CCDC171: variants seen among roughly 807,000 people sequenced by gnomAD.
CCDC171 encodes the protein coiled-coil domain containing 171, also known as coiled-coil domain-containing protein 171.
A neutral mutation model predicts 168.2 loss-of-function variants in CCDC171; 177 were observed. The ratio of observed to expected loss-of-function variants is 1.05; its 90% CI spans 0.93 to 1.19. CCDC171 has a LOEUF of 1.19. Ranked by LOEUF, CCDC171 falls within the 50% of genes most tolerant of loss-of-function variation. CCDC171 has a pLI of 0.00. For synonymous variants in CCDC171, 687 were observed against 540.8 expected (o/e 1.27, Z -3.75); for missense variants, 1,991 against 1,539.0 (o/e 1.29, Z -4.91).
intron 3 of CCDC171, among the ~76,000 whole-genome samples, chr9:16,010,170 T>G (rs1422504982): frequency 6.6e-6 from 1 of 152,190 alleles, no homozygotes; most frequent in Non-Finnish European, 1.5e-5. Context: ...GTGTGTACTT[T>G]GTGGAGGGGA....
At chr9:15,951,714 A>G (rs79398442) in intron 25 of CCDC171, among the ~76,000 whole-genome samples, 3,069 of 152,100 alleles carry the variant, frequency 0.02, 110 homozygotes, top group African/African-American at 0.071. Context: ...TAAATCAGGC[A>G]TTTTGTTGTC....
chr9:15,870,615 G>A (rs2061994013), intron 23 of CCDC171, among the ~76,000 whole-genome samples: 1 of 151,342 alleles, frequency 6.6e-6, no homozygotes, highest in African/African-American at 2.4e-5. Context: ...TTCTGGCTTG[G>A]TATCCAATTG....
At chr9:15,816,324 C>G (rs1226635696) in intron 21 of CCDC171, among the ~76,000 whole-genome samples, 1 of 116,514 alleles carries the variant, frequency 8.6e-6, no homozygotes, top group Non-Finnish European at 1.9e-5. Context: ...ATTAAACCTG[C>G]TTAAGTAAGA....
chr9:15,591,554 C>T lies in CCDC171; in HGVS notation c.541C>T (p.Gln181Ter), dbSNP rs777966025. 4 of 1,508,332 alleles carry T rather than the reference C, an allele frequency of 2.7e-6. No homozygotes were observed. The highest frequency in any genetic ancestry group is 2.7e-6 in the Non-Finnish European group (3 of 1,110,300). The allele number at this position is 1,508,332 out of a possible 1,614,324, so 93.4% of individuals were successfully genotyped here. ...KEKSRLEKTL[Q>*]EALEKHQREK... Reference sequence around the variant, plus strand: ...AAAAAGCAGACTAGAGAAAACTCTACAGGTAAAATAGTTTTTATAAAGGAA... The same window carrying T: ...AAAAAGCAGACTAGAGAAAACTCTATAGGTAAAATAGTTTTTATAAAGGAA... The change falls in exon 5 of 26, where the codon CAG becomes TAG. Residue 181 changes from glutamine (Q) to a stop codon, truncating the protein, a stop_gained and splice_region_variant. Transcript: ENST00000380701. LOFTEE classifies it high-confidence loss of function.
At chr9:15,757,129 T>A (rs2056171115) in intron 18 of CCDC171, among the ~76,000 whole-genome samples, 1 of 152,226 alleles carries the variant, frequency 6.6e-6, no homozygotes, top group Non-Finnish European at 1.5e-5. Context: ...TAAGCGACTT[T>A]GGAACTGGGT....
At chr9:15,626,620 T>C (rs1267798257) in intron 7 of CCDC171, among the ~76,000 whole-genome samples, 1 of 152,230 alleles carries the variant, frequency 6.6e-6, no homozygotes, top group Non-Finnish European at 1.5e-5. Context: ...TTACGTTTAT[T>C]GATTTGTGTA....
chr9:16,017,015 C>T (rs1227663590), intron 3 of CCDC171, among the ~76,000 whole-genome samples: 1 of 152,096 alleles, frequency 6.6e-6, no homozygotes, highest in East Asian at 1.9e-4. Context: ...TGTTAAAGGG[C>T]CTTCTCAATA....
At chr9:15,831,318 A>T (rs1161711441) in intron 21 of CCDC171, among the ~76,000 whole-genome samples, 3 of 152,184 alleles carry the variant, frequency 2.0e-5, no homozygotes, top group Non-Finnish European at 2.9e-5. Context: ...TGCTTAAAAA[A>T]AGTTAGCAAC....
intron 9 of CCDC171, among the ~76,000 whole-genome samples, chr9:15,676,370 C>G (rs997506397): frequency 1.3e-5 from 2 of 152,104 alleles, no homozygotes; most frequent in African/African-American, 2.4e-5. Context: ...CTGAACCCTA[C>G]TTCTGTCAAC....
intron 7 of CCDC171, among the ~76,000 whole-genome samples, chr9:15,650,140 A>C (rs1000114354): frequency 6.6e-6 from 1 of 152,222 alleles, no homozygotes; most frequent in African/African-American, 2.4e-5. Flanking sequence ...TGAGCAAACT[A>C]TTGCAAGGAC....
At chr9:15,636,667 T>C (rs2046221852) in intron 7 of CCDC171, among the ~76,000 whole-genome samples, 1 of 150,624 alleles carries the variant, frequency 6.6e-6, no homozygotes, top group Non-Finnish European at 1.5e-5. Context: ...GAGGATCACT[T>C]GAGCCTGGGG....
At chr9:15,840,913 C>T (rs1221415875) in intron 21 of CCDC171, among the ~76,000 whole-genome samples, 1 of 152,022 alleles carries the variant, frequency 6.6e-6, no homozygotes, top group East Asian at 1.9e-4. Context: ...ATTTTGAATA[C>T]TCTTATGAAG....
intron 18 of CCDC171, among the ~76,000 whole-genome samples, chr9:15,752,146 T>C (rs1435887425): frequency 6.6e-6 from 1 of 151,954 alleles, no homozygotes; most frequent in East Asian, 1.9e-4. Flanking sequence ...CCAACAAACA[T>C]GAAAAAATGC....
intron 6 of CCDC171, among the ~76,000 whole-genome samples, chr9:15,597,931 A>G (rs536657122): frequency 3.4e-4 from 52 of 152,216 alleles, no homozygotes; most frequent in African/African-American, 1.2e-3. Flanking sequence ...GTTTATTTGC[A>G]TAGAGGTGTT....
chr9:15,874,132 T>A (rs1237257754), intron 23 of CCDC171, among the ~76,000 whole-genome samples: 2 of 152,154 alleles, frequency 1.3e-5, no homozygotes, highest in Non-Finnish European at 1.5e-5. Context: ...GTCCAATATG[T>A]ATCAGTTCAT....
chr9:15,750,368 A>T (rs2055639211), intron 18 of CCDC171, among the ~76,000 whole-genome samples: 1 of 152,192 alleles, frequency 6.6e-6, no homozygotes, highest in Non-Finnish European at 1.5e-5. Context: ...AGATGTATTC[A>T]CAGCCGAATT....
chr9:15,662,977 T>TAA (rs1564163128), intron 8 of CCDC171, among the ~76,000 whole-genome samples: 9 of 127,296 alleles, frequency 7.1e-5, no homozygotes, highest in Non-Finnish European at 1.2e-4. Flanking sequence ...CGAGACTTCG[T>TAA]CTCAACAACA....
intron 3 of CCDC171, among the ~76,000 whole-genome samples, chr9:16,013,687 A>T (rs954368404): frequency 6.6e-6 from 1 of 152,246 alleles, no homozygotes; most frequent in Non-Finnish European, 1.5e-5. Context: ...GGGCCACCAG[A>T]CTAAAGTGAA....
intron 6 of CCDC171, among the ~76,000 whole-genome samples, chr9:16,025,921 A>T (rs930255740): frequency 2.0e-5 from 3 of 152,226 alleles, no homozygotes; most frequent in African/African-American, 7.2e-5. Flanking sequence ...GCATGCTGAA[A>T]TAGTGAATTT....
Sources: gnomAD v4.1 joint callset for allele counts (sites outside exome capture counted in the v4.1 genomes callset) on GRCh38, gnomAD v4.1.1 for gene constraint, MANE v1.5 for transcripts, NCBI Gene and HGNC (gene_info 2026-07-23, HGNC 2026-07-21) for gene names.